The following OR4D1 variants were observed in gnomAD, a reference collection of about 807,000 sequenced individuals.
The protein encoded by OR4D1 is olfactory receptor family 4 subfamily D member 1.
Under a neutral mutation model 14.2 loss-of-function variants are expected in OR4D1, and 10 were observed. The ratio of observed to expected loss-of-function variants is 0.71; its 90% confidence interval spans 0.44 to 1.20. OR4D1 has a LOEUF of 1.20. OR4D1 is among the 50% of genes most tolerant of loss of function. The pLI is 0.00. For missense variants in OR4D1, 345 were observed against 376.6 expected, an observed-to-expected ratio of 0.92 and a Z score of 0.70; for synonymous variants, 141 against 147.4, an observed-to-expected ratio of 0.96 and a Z score of 0.32.
Position 58,157,697 on chromosome 17 carries a change from G to A in OR4D1, c.*1611G>A. ...CCCCATCAGCTCGCCCCTGCAGGCA[G>A]CGTCCATATACGCAGCATCCTACCC... is the stretch of plus-strand genomic sequence containing the variant. On this transcript the variant is annotated 3_prime_UTR_variant, in exon 4 of 4. Transcript: ENST00000268912. 2 of 1,613,908 alleles carry A rather than the reference G, an allele frequency of 1.2e-6. No individual in the cohort carries two copies. The highest frequency in any genetic ancestry group is 2.2e-5 in the South Asian group (2 of 91,076).
In OR4D1 at chr17:58,157,258, G is replaced by A; in HGVS notation, c.*1172G>A. The A allele has an allele frequency of 6.8e-7, 1 of 1,470,356 alleles. No homozygotes were observed. The allele number at this position is 1,470,356 out of a possible 1,614,324, so 91.1% of individuals were successfully genotyped here. On this transcript the variant is annotated 3_prime_UTR_variant, in exon 4 of 4. Coordinates refer to ENST00000268912, the MANE Select transcript of OR4D1 (RefSeq NM_001386095.1). Reference sequence around the variant, plus strand: ...CTGCTGCTGCCGGGGCACGGCGCTCGGGAAGCGCACAGCCCCGGGCCGCTG... The same window carrying A: ...CTGCTGCTGCCGGGGCACGGCGCTCAGGAAGCGCACAGCCCCGGGCCGCTG...
chr17:58,154,159 T>C (rs2143659506), intron 3 of OR4D1, among the ~76,000 whole-genome samples, 196 bp downstream of exon 3: 1 of 152,208 alleles, frequency 6.6e-6, no homozygotes, highest in South Asian at 2.1e-4. Flanking sequence ...GGGGTCTAGC[T>C]ATGTTGCCCA....
In OR4D1 at chr17:58,159,164, A is replaced by G. The variant is rs535905082; in HGVS notation, c.*3078A>G. ...TTGTCTAAATAGTTCCCCAAAAGGCATTTGCCCTTTGTTTTTGTTCCATCT... is the reference window on the plus strand; with the variant it reads ...TTGTCTAAATAGTTCCCCAAAAGGCGTTTGCCCTTTGTTTTTGTTCCATCT... On this transcript the variant is annotated 3_prime_UTR_variant, in exon 4 of 4. Transcript: ENST00000268912. 6.6e-6 allele frequency: 1 copy of G among 152,328 alleles called. No individual in the cohort carries two copies. The highest frequency in any genetic ancestry group is 1.5e-5 in the Non-Finnish European group (1 of 68,028). The allele number at this position is 152,328 out of a possible 1,614,324, so 9.4% of individuals were successfully genotyped here.
Position 58,155,806 on chromosome 17 carries a change from A to G in OR4D1, c.653A>G (p.Tyr218Cys). 1 of 1,614,142 alleles carries G rather than the reference A, an allele frequency of 6.2e-7. No individual in the cohort carries two copies. Residue 218 changes from tyrosine (Y) to cysteine (C), a missense_variant, in exon 4 of 4, where the codon TAT becomes TGT. Transcript: ENST00000268912. ...IIWFLLLLIS[Y>C]TVILVMLRSH... ...TGGTTCCTCCTCCTTCTGATCTCTT[A>G]TACTGTCATCCTGGTGATGCTGAGG...
At position 58,151,487 on chromosome 17, in the gene OR4D1, GC is replaced by G. The variant is rs376405038; in HGVS notation, c.-127+1692del. 6.7e-3 allele frequency among the ~76,000 whole-genome samples: 1,025 copies of G among 152,208 alleles called. 11 individuals carry two copies. Among genetic ancestry groups the G allele is most frequent in the African/African-American group, 0.023 (953 of 41,514 alleles). ...CGTGTCCGTGTGTTCTCATCGTTCA[GC>G]TCCCACTTGTAAGTGAGAACACTCT... On this transcript the variant is annotated intron_variant, in intron 2 of 3. Transcript: ENST00000268912.
At chr17:58,151,971 G>A (rs1486168264) in intron 2 of OR4D1, among the ~76,000 whole-genome samples, 1 of 152,194 alleles carries the variant, frequency 6.6e-6, no homozygotes, top group Non-Finnish European at 1.5e-5. Flanking sequence ...TAGAAAGATT[G>A]TACTACCAGT....
intron 2 of OR4D1, among the ~76,000 whole-genome samples, chr17:58,150,272 T>C (rs972135340): frequency 1.3e-5 from 2 of 152,124 alleles, no homozygotes; most frequent in African/African-American, 4.8e-5. Flanking sequence ...CCATGGAAAA[T>C]TTTTGAAAAC....
At chr17:58,152,541 C>T (rs1001382762) in intron 2 of OR4D1, among the ~76,000 whole-genome samples, 1 of 152,196 alleles carries the variant, frequency 6.6e-6, no homozygotes, top group Non-Finnish European at 1.5e-5. Flanking sequence ...ACTCCTCTCA[C>T]CTTTAATAAA....
Position 58,159,411 on chromosome 17 carries a change from T to C in OR4D1, c.*3325T>C, listed in dbSNP as rs1162224945. Reference sequence around the variant, plus strand: ...ATGCAGCATTAGGCTCGCTAGCCCTTTGGTCTTCTGCCATATGAGGACACA... The same window carrying C: ...ATGCAGCATTAGGCTCGCTAGCCCTCTGGTCTTCTGCCATATGAGGACACA... On this transcript the variant is annotated 3_prime_UTR_variant, in exon 4 of 4. Transcript: ENST00000268912. 6.6e-6 allele frequency: 1 copy of C among 152,284 alleles called. No homozygotes were observed. The highest frequency in any genetic ancestry group is 2.4e-5 in the African/African-American group (1 of 41,450). The allele number at this position is 152,284 out of a possible 1,614,324, so 9.4% of individuals were successfully genotyped here.
Position 58,157,545 on chromosome 17 carries a change from C to T in OR4D1, c.*1459C>T, listed in dbSNP as rs1243419695. Reference sequence around the variant, plus strand: ...GACTTCTCCAGCTCTCCGAACCTCACGGAGACTCAGGTCAAAATCTTGTTC... The same window carrying T: ...GACTTCTCCAGCTCTCCGAACCTCATGGAGACTCAGGTCAAAATCTTGTTC... On this transcript the variant is annotated 3_prime_UTR_variant, in exon 4 of 4. Coordinates refer to ENST00000268912, the MANE Select transcript of OR4D1 (RefSeq NM_001386095.1). The T allele has an allele frequency of 1.5e-5, 22 of 1,491,792 alleles. No individual in the cohort carries two copies. The East Asian group carries it at 4.3e-4, about 29-fold the overall frequency. 92.4% of individuals were successfully genotyped at this position (1,491,792 alleles called of 1,614,324 possible).
At chr17:58,152,677 G>C (rs921762755) in intron 2 of OR4D1, among the ~76,000 whole-genome samples, 1 of 152,196 alleles carries the variant, frequency 6.6e-6, no homozygotes, top group African/African-American at 2.4e-5. Context: ...GCTCACACCT[G>C]TGATCCCAGC....
chr17:58,155,034 T>G (rs1234209671), intron 3 of OR4D1, 101 bp from the exon 4 acceptor site: 2 of 785,862 alleles, frequency 2.5e-6, no homozygotes, highest in Non-Finnish European at 4.2e-6. Context: ...GGATTGACAC[T>G]CAACAACTCA....
At chr17:58,154,328 G>A (rs1967739172) in intron 3 of OR4D1, among the ~76,000 whole-genome samples, 2 of 142,100 alleles carry the variant, frequency 1.4e-5, no homozygotes. Context: ...GACCATAATA[G>A]TTACATTTTA....
chr17:58,148,877 C>T (rs1233441350), intron 1 of OR4D1, among the ~76,000 whole-genome samples: 1 of 152,142 alleles, frequency 6.6e-6, no homozygotes, highest in African/African-American at 2.4e-5. Context: ...CTTTTTAAGT[C>T]TCATCTTCCT....
chr17:58,155,840 G>A lies in OR4D1; in HGVS notation c.687G>A (p.Ser229=), dbSNP rs199957444. Residue 229 remains serine, a synonymous_variant, in exon 4 of 4, where the codon TCG becomes TCA. Transcript: ENST00000268912. ...TVILVMLRSH[S]GKARRKAAST... is the part of the protein sequence containing the mutation. ...TCCTGGTGATGCTGAGGTCCCACTC[G>A]GGAAAGGCAAGGAGGAAGGCAGCTT... 1.4e-3 allele frequency: 2,260 copies of A among 1,614,094 alleles called. 2 individuals are homozygous for A. Among genetic ancestry groups the A allele is most frequent in the Non-Finnish European group, 1.6e-3 (1,946 of 1,180,004 alleles).
At position 58,157,795 on chromosome 17, in the gene OR4D1, C is replaced by T; in HGVS notation, c.*1709C>T. ...CGCCAGTGGGATATGGCATGTACCA[C>T]CTGTCCTAAGGAAGACCAGATCAAT... On this transcript the variant is annotated 3_prime_UTR_variant, in exon 4 of 4. Coordinates refer to ENST00000268912, the MANE Select transcript of OR4D1 (RefSeq NM_001386095.1). 6.2e-7 allele frequency: 1 copy of T among 1,607,610 alleles called. No individual in the cohort carries two copies. Among genetic ancestry groups the T allele is most frequent in the African/African-American group, 1.3e-5 (1 of 75,038 alleles).
intron 2 of OR4D1, among the ~76,000 whole-genome samples, chr17:58,152,656 TG>T (rs1270758411): frequency 6.6e-6 from 1 of 152,186 alleles, no homozygotes; most frequent in Non-Finnish European, 1.5e-5. Flanking sequence ...GGTGGTAGGC[TG>T]GGTGCAGTGG....
In OR4D1 at chr17:58,157,333, G is replaced by T; in HGVS notation, c.*1247G>T. 6.8e-7 allele frequency: 1 copy of T among 1,470,788 alleles called. No individual in the cohort carries two copies. Among genetic ancestry groups the T allele is most frequent in the South Asian group, 1.3e-5 (1 of 77,488 alleles). The allele number at this position is 1,470,788 out of a possible 1,614,324, so 91.1% of individuals were successfully genotyped here. A position where few individuals can be genotyped will look rare whatever the true frequency, so the allele number is the denominator to read the frequency against. ...GTCAAGTGGGAAAACTCCCTAAGACGGAGCGGCGTGGATGCAGGAACCCTG... is the reference window on the plus strand; with the variant it reads ...GTCAAGTGGGAAAACTCCCTAAGACTGAGCGGCGTGGATGCAGGAACCCTG... On this transcript the variant is annotated 3_prime_UTR_variant, in exon 4 of 4. Coordinates refer to ENST00000268912, the MANE Select transcript of OR4D1 (RefSeq NM_001386095.1).
In OR4D1 at chr17:58,157,071, G is replaced by T. The variant is rs1967785681; in HGVS notation, c.*985G>T. 5.6e-6 allele frequency: 8 copies of T among 1,430,252 alleles called. No individual in the cohort carries two copies. The highest frequency in any genetic ancestry group is 2.2e-5 in the Admixed American group (1 of 45,704). The allele number at this position is 1,430,252 out of a possible 1,614,324, so 88.6% of individuals were successfully genotyped here. A position where few individuals can be genotyped will look rare whatever the true frequency, so the allele number is the denominator to read the frequency against. Reference sequence around the variant, plus strand: ...GGGGCCAGCGGTGGCGGTCGGGCCAGGTCCGGGGCCTGGGGACGCCGAGGC... The same window carrying T: ...GGGGCCAGCGGTGGCGGTCGGGCCATGTCCGGGGCCTGGGGACGCCGAGGC... On this transcript the variant is annotated 3_prime_UTR_variant, in exon 4 of 4. Transcript: ENST00000268912.
Sources: allele counts gnomAD v4.1 joint callset (sites outside exome capture counted in the v4.1 genomes callset), GRCh38; gene constraint gnomAD v4.1.1; transcripts MANE v1.5; gene names NCBI Gene and HGNC (gene_info 2026-07-23, HGNC 2026-07-21).